The following ACOXL variants were observed in gnomAD, a reference collection of about 807,000 sequenced individuals.
ACOXL encodes acyl-CoA oxidase like.
Under a neutral mutation model 71.9 loss-of-function variants are expected in ACOXL, and 70 were observed. That is an observed-to-expected ratio of 0.97 (90% CI 0.80 to 1.19). The LOEUF (loss-of-function observed/expected upper bound fraction) is 1.19, where lower values mean the gene tolerates loss of function less well. Ranked by LOEUF, ACOXL falls within the 50% of genes most tolerant of loss-of-function variation. The probability of loss-of-function intolerance (pLI) is 0.00; values close to 1 mark genes in which losing one functional copy is unlikely to be tolerated. For missense variants in ACOXL, 703 were observed against 736.3 expected (o/e 0.95, Z 0.52); for synonymous variants, 253 against 281.6 (o/e 0.90, Z 1.02).
chr2:110,855,980 C>T (rs1391985167), intron 10 of ACOXL, among the ~76,000 whole-genome samples: 2 of 152,190 alleles, frequency 1.3e-5, no homozygotes, highest in East Asian at 1.9e-4. Flanking sequence ...TGTTTCTGTC[C>T]TATCAGAATG....
At chr2:111,057,169 T>G (rs2066580997) in intron 16 of ACOXL, among the ~76,000 whole-genome samples, 1 of 152,210 alleles carries the variant, frequency 6.6e-6, no homozygotes, top group Non-Finnish European at 1.5e-5. Flanking sequence ...CTGCAGGAAT[T>G]TAAATTTAAC....
At chr2:110,756,714 AT>A (rs1463217068) in intron 1 of ACOXL, among the ~76,000 whole-genome samples, 1 of 152,114 alleles carries the variant, frequency 6.6e-6, no homozygotes, top group African/African-American at 2.4e-5. Flanking sequence ...TTTTCCCATG[AT>A]TTGATATACC....
At chr2:110,758,810 T>G (rs1230221689) in intron 1 of ACOXL, among the ~76,000 whole-genome samples, 4 of 152,208 alleles carry the variant, frequency 2.6e-5, no homozygotes, top group Non-Finnish European at 1.5e-5. Flanking sequence ...GACGTGGACA[T>G]GTAGTGCTAT....
chr2:111,103,016 C>T (rs1034034443), intron 17 of ACOXL, among the ~76,000 whole-genome samples: 3 of 152,154 alleles, frequency 2.0e-5, no homozygotes, highest in African/African-American at 7.2e-5. Flanking sequence ...AGGGGCCAAG[C>T]GCTGTGGCTC....
At chr2:110,796,376 T>A (rs1442777790) in intron 5 of ACOXL, among the ~76,000 whole-genome samples, 4 of 152,216 alleles carry the variant, frequency 2.6e-5, no homozygotes, top group African/African-American at 7.2e-5. Flanking sequence ...CACTGACCAT[T>A]TTGCTGGCCT....
intron 1 of ACOXL, among the ~76,000 whole-genome samples, chr2:110,735,717 C>T (rs1375105723): frequency 6.6e-6 from 1 of 152,134 alleles, no homozygotes; most frequent in Admixed American, 6.5e-5. Context: ...CGCCCCTGTC[C>T]TATTGTGCAT....
intron 9 of ACOXL, among the ~76,000 whole-genome samples, chr2:110,832,494 C>T (rs931308245): frequency 6.7e-5 from 10 of 149,300 alleles, no homozygotes; most frequent in East Asian, 4.0e-4. Flanking sequence ...GCCGAGATTG[C>T]GCCACTGCAG....
chr2:111,078,262 A>G (rs1336331830), intron 16 of ACOXL, among the ~76,000 whole-genome samples: 1 of 151,502 alleles, frequency 6.6e-6, no homozygotes, highest in Non-Finnish European at 1.5e-5. Context: ...TATGTTTTAT[A>G]TTTCTTTCTT....
chr2:110,985,042 C>G (rs2062868727), intron 12 of ACOXL, among the ~76,000 whole-genome samples: 1 of 152,198 alleles, frequency 6.6e-6, no homozygotes, highest in Non-Finnish European at 1.5e-5. Context: ...TTTGTTCATA[C>G]TTGGAGTGAC....
chr2:111,045,709 G>A (rs1055597284), intron 15 of ACOXL, among the ~76,000 whole-genome samples: 56 of 152,296 alleles, frequency 3.7e-4, no homozygotes, highest in African/African-American at 1.3e-3. Context: ...AACCTGCACT[G>A]GCATAGTAGC....
chr2:111,001,295 A>G (rs2063615207), intron 14 of ACOXL, among the ~76,000 whole-genome samples: 1 of 152,246 alleles, frequency 6.6e-6, no homozygotes, highest in Admixed American at 6.5e-5. Context: ...GAATTATATC[A>G]GGCAAAGATC....
rs984638812 is a variant in ACOXL at position 110,797,961 on chromosome 2, C to T, written c.346-649C>T. 2.6e-5 allele frequency among the ~76,000 whole-genome samples: 4 copies of T among 152,174 alleles called. No individual in the cohort carries two copies. The South Asian group carries it at 6.2e-4, about 24-fold the overall frequency. ...CAGGCAGGCTCAGCCAAACAGCACA[C>T]ATGTCAGCCTGGCATTATAAAGAGG... On this transcript the variant is annotated intron_variant, in intron 5 of 17. Transcript: ENST00000439055.
intron 15 of ACOXL, among the ~76,000 whole-genome samples, chr2:111,048,452 A>AT (rs2066126574): frequency 6.6e-6 from 1 of 152,208 alleles, no homozygotes; most frequent in South Asian, 2.1e-4. Context: ...TTGTGGGAGC[A>AT]TTTTCAAGCA....
At chr2:111,015,995 C>T (rs1471896400) in intron 14 of ACOXL, among the ~76,000 whole-genome samples, 4 of 152,056 alleles carry the variant, frequency 2.6e-5, no homozygotes, top group Non-Finnish European at 4.4e-5. Context: ...TGCAGTGGTA[C>T]AATCATAGAT....
chr2:110,800,095 C>T (rs1260936021), intron 7 of ACOXL, among the ~76,000 whole-genome samples: 6 of 152,220 alleles, frequency 3.9e-5, no homozygotes, highest in South Asian at 2.1e-4. Context: ...AGTGGCAACC[C>T]GCGCTACTTG....
intron 14 of ACOXL, among the ~76,000 whole-genome samples, chr2:111,006,843 G>A (rs2063900520): frequency 6.6e-6 from 1 of 152,162 alleles, no homozygotes; most frequent in African/African-American, 2.4e-5. Flanking sequence ...ACAGGCATGA[G>A]CCACCGCACC....
At chr2:110,876,256 G>A (rs532691112) in intron 10 of ACOXL, among the ~76,000 whole-genome samples, 1 of 152,310 alleles carries the variant, frequency 6.6e-6, no homozygotes, top group South Asian at 2.1e-4. Flanking sequence ...TTGAGGAGGG[G>A]CACCACAGGA....
chr2:110,838,296 ATGTGCATATGTGCACTAG>A (rs1163844317), intron 9 of ACOXL, among the ~76,000 whole-genome samples: 4 of 152,084 alleles, frequency 2.6e-5, no homozygotes, highest in African/African-American at 9.7e-5. Flanking sequence ...ACACGTGTGA[ATGTGCATATGTGCACTAG>A]TGTGCATATG....
intron 2 of ACOXL, among the ~76,000 whole-genome samples, chr2:110,774,134 A>G (rs1682341965): frequency 6.6e-6 from 1 of 152,240 alleles, no homozygotes; most frequent in Non-Finnish European, 1.5e-5. Context: ...CCTTTTGCTA[A>G]GTCCCTTCCG....
Sources: gnomAD v4.1 joint callset for allele counts (sites outside exome capture counted in the v4.1 genomes callset) on GRCh38, gnomAD v4.1.1 for gene constraint, MANE v1.5 for transcripts, NCBI Gene and HGNC (gene_info 2026-07-23, HGNC 2026-07-21) for gene names.